CLIP2: variants seen among roughly 807,000 people sequenced by gnomAD.
CLIP2 encodes CAP-Gly domain containing linker protein 2.
In CLIP2, 41 loss-of-function variants were observed where a neutral mutation model predicts 111.7. That is an observed-to-expected ratio of 0.37 (90% CI 0.29 to 0.48). The LOEUF (loss-of-function observed/expected upper bound fraction) is 0.48, where lower values mean the gene tolerates loss of function less well. Ranked by LOEUF, CLIP2 falls within the 20% of genes least tolerant of loss-of-function variation. The probability of loss-of-function intolerance (pLI) is 0.99; values close to 1 mark genes in which losing one functional copy is unlikely to be tolerated. For missense variants in CLIP2, 1,160 were observed against 1,422.1 expected (o/e 0.82, Z 2.96); for synonymous variants, 660 against 644.2 (o/e 1.02, Z -0.37).
chr7:74,361,037 G>GC (rs1251363619), intron 7 of CLIP2, among the ~76,000 whole-genome samples: 5 of 151,386 alleles, frequency 3.3e-5, no homozygotes, highest in Non-Finnish European at 7.4e-5. Flanking sequence ...CTCACAGTGC[G>GC]CCCCTCCCCA....
rs782401496 is a variant in CLIP2 at position 74,338,406 on chromosome 7, C to G, written c.122-42C>G. ...CTCCTGGGGCCACCCAGGGGCCAGC[C>G]CTAACAGCCACCTCTTTCCCTTTCC... is the stretch of plus-strand genomic sequence containing the variant. On this transcript the variant is annotated intron_variant, in intron 2 of 16. Transcript: ENST00000223398. This position sits in a 1 kb window ranked among gnomAD's most constrained non-coding sequence, Gnocchi z 4.3. 1.9e-6 allele frequency: 3 copies of G among 1,596,316 alleles called. No individual in the cohort carries two copies. The African/African-American group carries it at 4.0e-5, about 21-fold the overall frequency.
At chr7:74,362,681 C>T (rs548815017) in intron 7 of CLIP2, among the ~76,000 whole-genome samples, 16 of 151,798 alleles carry the variant, frequency 1.1e-4, no homozygotes, top group African/African-American at 2.4e-4. Flanking sequence ...ACTACAGGTG[C>T]GCATCACCAT....
At chr7:74,356,833 A>G (rs527269100) in intron 5 of CLIP2, among the ~76,000 whole-genome samples, 1 of 152,298 alleles carries the variant, frequency 6.6e-6, no homozygotes, top group Admixed American at 6.5e-5. Context: ...TTGGAACCCT[A>G]AGCCTTTCTC....
intron 14 of CLIP2, among the ~76,000 whole-genome samples, chr7:74,397,671 T>G (rs1384293874): frequency 7.0e-6 from 1 of 143,558 alleles, no homozygotes; most frequent in African/African-American, 2.6e-5. Flanking sequence ...TTTTTGTTTT[T>G]TTTTTTTTTT....
At chr7:74,389,772 G>A (rs1248149229) in intron 13 of CLIP2, among the ~76,000 whole-genome samples, 1 of 151,530 alleles carries the variant, frequency 6.6e-6, no homozygotes, top group East Asian at 1.9e-4. Context: ...AGTGGTGTGT[G>A]CCTGTAGTCC....
In CLIP2 at chr7:74,376,853, A is replaced by AGGGTC. The variant is rs1223308017; in HGVS notation, c.2421+35_2421+39dup. 6.6e-7 allele frequency: 1 copy of AGGGTC among 1,516,110 alleles called. No homozygotes were observed. Among genetic ancestry groups the AGGGTC allele is most frequent in the African/African-American group, 1.4e-5 (1 of 72,166 alleles). 93.9% of individuals were successfully genotyped at this position (1,516,110 alleles called of 1,614,324 possible). A position where few individuals can be genotyped will look rare whatever the true frequency, so the allele number is the denominator to read the frequency against. ...CGCCTGCCCCTCCTGCTGGGGCGGG[A>AGGGTC]GGGTCGGGCTGGGGAGGGCTTGGCC... On this transcript the variant is annotated intron_variant, in intron 10 of 16. Coordinates refer to ENST00000223398, the MANE Select transcript of CLIP2 (RefSeq NM_003388.5). This position sits in a 1 kb window ranked among gnomAD's most constrained non-coding sequence, Gnocchi z 7.1.
chr7:74,304,640 G>A (rs1788427065), intron 1 of CLIP2, among the ~76,000 whole-genome samples: 1 of 150,096 alleles, frequency 6.7e-6, no homozygotes, highest in South Asian at 2.1e-4. Flanking sequence ...CACCCCATAG[G>A]GCTAGGAAAC....
At chr7:74,378,089 G>A (rs1254361202) in intron 10 of CLIP2, among the ~76,000 whole-genome samples, 1 of 151,780 alleles carries the variant, frequency 6.6e-6, no homozygotes, top group Non-Finnish European at 1.5e-5. Context: ...GCCTCCCAAA[G>A]TGCTGGGATT....
intron 1 of CLIP2, among the ~76,000 whole-genome samples, chr7:74,314,324 CTACAAAAAA>C (rs1788714460): frequency 6.6e-6 from 1 of 151,900 alleles, no homozygotes. Context: ...AACCCCACAT[CTACAAAAAA>C]TACAAAAATT....
At chr7:74,399,553 G>T (rs113778748) in intron 14 of CLIP2, among the ~76,000 whole-genome samples, 18 of 117,364 alleles carry the variant, frequency 1.5e-4, no homozygotes, top group African/African-American at 3.0e-4. Context: ...GGGGGGGGGG[G>T]GGTGGGGACC....
intron 1 of CLIP2, among the ~76,000 whole-genome samples, chr7:74,312,144 G>A (rs1788656625): frequency 6.6e-6 from 1 of 152,150 alleles, no homozygotes; most frequent in South Asian, 2.1e-4. Flanking sequence ...AGCTACTTGG[G>A]AGGCTGAAAC....
chr7:74,349,470 G>GTATATATATATATA (rs1158400867), intron 3 of CLIP2, among the ~76,000 whole-genome samples: 1 of 33,776 alleles, frequency 3.0e-5, no homozygotes, highest in Non-Finnish European at 5.6e-5. Flanking sequence ...GTGTGTGTGT[G>GTATATATATATATA]TATATATATA....
rs189815302 is a variant in CLIP2 at position 74,359,416 on chromosome 7, T to C, written c.1216-759T>C. On this transcript the variant is annotated intron_variant, in intron 6 of 16. Transcript: ENST00000223398. The stretch of plus-strand genomic sequence containing the variant: ...TCGCCCAGGCTGGAGTGCAGTAGTG[T>C]GATCTTGGCTCACTGCAAGCTCCGC... Among the ~76,000 whole-genome samples, 70 of 149,742 alleles carry C rather than the reference T, an allele frequency of 4.7e-4. 2 individuals are homozygous for C. In the East Asian group the frequency reaches 0.012, roughly 27 times the overall value.
chr7:74,334,743 G>A lies in CLIP2; in HGVS notation c.122-3705G>A, dbSNP rs1378057262. Among the ~76,000 whole-genome samples the A allele has an allele frequency of 2.0e-5, 3 of 151,058 alleles. No homozygotes were observed. The Admixed American group carries it at 2.0e-4, about 10-fold the overall frequency. On this transcript the variant is annotated intron_variant, in intron 2 of 16. Transcript: ENST00000223398. ...ACCTATAATCCCAGCACTTTGGGAG[G>A]CCAAGGCAGGAGGGTCACTTGAGGC...
chr7:74,386,748 C>T (rs1791114432), intron 12 of CLIP2, 144 bp downstream of exon 12: 1 of 539,922 alleles, frequency 1.9e-6, no homozygotes. Context: ...GCTGGCTGGT[C>T]GCGGTGGCTC....
chr7:74,294,139 A>T (rs1554725759), intron 1 of CLIP2, among the ~76,000 whole-genome samples: 9 of 151,814 alleles, frequency 5.9e-5, no homozygotes. Flanking sequence ...CTGGTTTCGA[A>T]CTCCTGACCT....
At chr7:74,320,213 A>AG (rs1234904317) in intron 2 of CLIP2, among the ~76,000 whole-genome samples, 6 of 132,446 alleles carry the variant, frequency 4.5e-5, no homozygotes, top group African/African-American at 1.6e-4. Flanking sequence ...AAAAAAAAAA[A>AG]AAAGAAAGAA....
chr7:74,398,623 C>T (rs533978316), intron 14 of CLIP2, among the ~76,000 whole-genome samples: 150 of 152,318 alleles, frequency 9.8e-4, no homozygotes, highest in African/African-American at 3.3e-3. Context: ...AGGGCCTCAG[C>T]GCCACCGACC....
chr7:74,294,511 C>T (rs1554725831), intron 1 of CLIP2, among the ~76,000 whole-genome samples: 1 of 152,158 alleles, frequency 6.6e-6, no homozygotes, highest in African/African-American at 2.4e-5. Context: ...GACACCCGCT[C>T]CCGATTCATT....
Sources: gnomAD v4.1 joint callset for allele counts (sites outside exome capture counted in the v4.1 genomes callset) on GRCh38, gnomAD v4.1.1 for gene constraint, Gnocchi (gnomAD v3.1) non-coding constraint, MANE v1.5 for transcripts, NCBI Gene and HGNC (gene_info 2026-07-23, HGNC 2026-07-21) for gene names.